Variants in CPQ observed in about 807,000 individuals in gnomAD.
The protein encoded by CPQ is carboxypeptidase Q, also known as Ser-Met dipeptidase.
CPQ carries 37 observed loss-of-function variants against 45.7 expected under a neutral mutation model. That is an observed-to-expected ratio of 0.81 (90% confidence interval 0.62 to 1.07). CPQ has a LOEUF of 1.07. Among genes scored for constraint, CPQ ranks in the 50% least tolerant of loss-of-function variants. The pLI is 0.00. For missense variants in CPQ, 537 were observed against 572.9 expected (o/e 0.94, Z 0.64); for synonymous variants, 186 against 205.8 (o/e 0.90, Z 0.82).
intron 4 of CPQ, among the ~76,000 whole-genome samples, chr8:96,895,679 T>A (rs1467618846): frequency 1.3e-5 from 2 of 152,180 alleles, no homozygotes; most frequent in African/African-American, 2.4e-5. Context: ...CCAAGAGAAC[T>A]GCCTTTGTAA....
intron 7 of CPQ, among the ~76,000 whole-genome samples, chr8:97,120,187 C>G (rs1811677173): frequency 6.6e-6 from 1 of 152,174 alleles, no homozygotes; most frequent in African/African-American, 2.4e-5. Context: ...AGGAGCAGCT[C>G]TTCATGTGGC....
At chr8:96,716,632 G>A (rs1335382601) in intron 1 of CPQ, among the ~76,000 whole-genome samples, 1 of 152,102 alleles carries the variant, frequency 6.6e-6, no homozygotes, top group Non-Finnish European at 1.5e-5. Context: ...CTCCAGCTAG[G>A]TGCAGTGGCT....
At chr8:97,077,911 C>T (rs1164933164) in intron 7 of CPQ, among the ~76,000 whole-genome samples, 1 of 152,104 alleles carries the variant, frequency 6.6e-6, no homozygotes, top group Non-Finnish European at 1.5e-5. Flanking sequence ...AGAACTTTCC[C>T]CTTATCAGCT....
chr8:96,778,929 G>A (rs1810650042), intron 1 of CPQ, among the ~76,000 whole-genome samples: 1 of 151,932 alleles, frequency 6.6e-6, no homozygotes, highest in Non-Finnish European at 1.5e-5. Flanking sequence ...GCTGAGCATG[G>A]TGACAGGCAC....
rs149104511 is a variant in CPQ, at chr8:97,093,861, T to C, written c.1255+27651T>C. Among the ~76,000 whole-genome samples, 913 of 152,334 alleles carry C rather than the reference T, an allele frequency of 6.0e-3. 13 individuals are homozygous for C. In the Middle Eastern group the frequency reaches 0.085, roughly 14 times the overall value. ...ATCTAAAGTTTTGTCACAGCCAATA[T>C]TTATAGTCTCTGACATCACTGGGAT... On this transcript the variant is annotated intron_variant, in intron 7 of 7. Coordinates refer to ENST00000220763, the MANE Select transcript of CPQ (RefSeq NM_016134.4).
intron 6 of CPQ, among the ~76,000 whole-genome samples, chr8:97,044,806 G>T (rs550930892): frequency 4.6e-5 from 7 of 152,158 alleles, no homozygotes; most frequent in African/African-American, 1.7e-4. Context: ...GCGGATTTTC[G>T]TGAACTGCGA....
intron 7 of CPQ, among the ~76,000 whole-genome samples, chr8:97,068,751 AAG>A (rs1554587442): frequency 4.6e-5 from 7 of 152,218 alleles, no homozygotes; most frequent in Non-Finnish European, 4.4e-5. Flanking sequence ...CCATCCTATG[AAG>A]GAGGTACAAT....
chr8:96,781,420 G>A (rs985732739), intron 1 of CPQ, among the ~76,000 whole-genome samples: 4 of 152,204 alleles, frequency 2.6e-5, no homozygotes, highest in African/African-American at 9.6e-5. Flanking sequence ...AAAAGCAAGA[G>A]GGGGTAAACT....
At chr8:97,136,547 T>C (rs936958102) in intron 7 of CPQ, among the ~76,000 whole-genome samples, 4 of 152,230 alleles carry the variant, frequency 2.6e-5, no homozygotes, top group African/African-American at 9.6e-5. Flanking sequence ...ACCCAGGTTT[T>C]AAGCAGAAGA....
chr8:97,095,986 G>A (rs755680023), intron 7 of CPQ, among the ~76,000 whole-genome samples: 2 of 151,928 alleles, frequency 1.3e-5, no homozygotes, highest in Admixed American at 1.3e-4. Context: ...AAGCATTTGG[G>A]CTTGTTATTT....
intron 5 of CPQ, among the ~76,000 whole-genome samples, chr8:97,011,358 G>T (rs1330236123): frequency 6.6e-6 from 1 of 152,144 alleles, no homozygotes; most frequent in Non-Finnish European, 1.5e-5. Flanking sequence ...CTTTAAAATT[G>T]GATAGTTTTA....
chr8:96,675,979 T>C (rs1484083257), intron 1 of CPQ, among the ~76,000 whole-genome samples: 1 of 152,014 alleles, frequency 6.6e-6, no homozygotes, highest in Non-Finnish European at 1.5e-5. Flanking sequence ...CCAAAAATGT[T>C]TATTTTTTCC....
intron 5 of CPQ, among the ~76,000 whole-genome samples, chr8:97,024,217 G>T (rs996188931): frequency 6.6e-6 from 1 of 152,040 alleles, no homozygotes. Context: ...ACCTTAGTCA[G>T]TGTCATCCTG....
At chr8:96,775,379 A>G (rs544622801) in intron 1 of CPQ, among the ~76,000 whole-genome samples, 7 of 152,332 alleles carry the variant, frequency 4.6e-5, no homozygotes, top group Admixed American at 3.9e-4. Context: ...ATTATTTCAA[A>G]ATGTGAATTC....
At chr8:97,052,474 A>T (rs955990117) in intron 6 of CPQ, among the ~76,000 whole-genome samples, 1 of 152,218 alleles carries the variant, frequency 6.6e-6, no homozygotes, top group Non-Finnish European at 1.5e-5. Context: ...CACATGCATT[A>T]TAAGCCTCAT....
chr8:97,126,193 G>C (rs2320053), intron 7 of CPQ, among the ~76,000 whole-genome samples: 37,188 of 152,032 alleles, frequency 0.24, 5,174 homozygotes, highest in East Asian at 0.62. Context: ...TAAAAGCCCA[G>C]ACCTCACAAC....
At chr8:96,962,894 GTTTT>G (rs142548338) in intron 4 of CPQ, among the ~76,000 whole-genome samples, 4 of 150,874 alleles carry the variant, frequency 2.7e-5, no homozygotes, top group Non-Finnish European at 4.4e-5. Context: ...TGTTGCCCCA[GTTTT>G]TTTTTCTGAT....
At chr8:96,858,894 A>G (rs1563514743) in intron 3 of CPQ, among the ~76,000 whole-genome samples, 2 of 152,062 alleles carry the variant, frequency 1.3e-5, no homozygotes, top group African/African-American at 4.8e-5. Context: ...ACATATGTAT[A>G]TGTGTGTGTG....
At chr8:96,696,296 T>TG (rs1479313727) in intron 1 of CPQ, among the ~76,000 whole-genome samples, 2 of 103,950 alleles carry the variant, frequency 1.9e-5, no homozygotes, top group South Asian at 3.2e-4. Flanking sequence ...TGTTGTGGGG[T>TG]GGGGGGAGTG....
Sources: gnomAD v4.1 joint callset for allele counts (sites outside exome capture counted in the v4.1 genomes callset) on GRCh38, gnomAD v4.1.1 for gene constraint, MANE v1.5 for transcripts, NCBI Gene and HGNC (gene_info 2026-07-23, HGNC 2026-07-21) for gene names.